Variants in LINGO2 observed in about 807,000 individuals in gnomAD.
LINGO2 encodes the protein leucine-rich repeat and immunoglobulin-like domain-containing nogo receptor-interacting protein 2.
In LINGO2, 14 loss-of-function variants were observed where a neutral mutation model predicts 30.6. The observed-to-expected ratio is 0.46, with a 90% CI of 0.30 to 0.72. LINGO2 has a LOEUF of 0.72. Ranked by LOEUF, LINGO2 falls within the 30% of genes least tolerant of loss-of-function variation. LINGO2 has a pLI of 0.07. For synonymous variants in LINGO2, 317 were observed against 288.5 expected (o/e 1.10, Z -1.00); for missense variants, 729 against 751.7 (o/e 0.97, Z 0.35).
intron 1 of LINGO2, among the ~76,000 whole-genome samples, chr9:28,595,143 A>G (rs112791451): frequency 1.3e-3 from 192 of 152,238 alleles, no homozygotes; most frequent in Admixed American, 6.3e-3. Context: ...CTCAGGCTTC[A>G]TATCTATCAC....
At chr9:27,958,685 G>C (rs1332016717) in intron 5 of LINGO2, among the ~76,000 whole-genome samples, 1 of 152,026 alleles carries the variant, frequency 6.6e-6, no homozygotes, top group Non-Finnish European at 1.5e-5. Flanking sequence ...TATACATAGG[G>C]AAAAACATAG....
At chr9:28,348,807 C>T (rs370517620) in intron 3 of LINGO2, among the ~76,000 whole-genome samples, 9 of 151,724 alleles carry the variant, frequency 5.9e-5, no homozygotes, top group Admixed American at 3.3e-4. Flanking sequence ...GATCTGAGAA[C>T]GGGCAGACTG....
intron 4 of LINGO2, among the ~76,000 whole-genome samples, chr9:28,229,743 A>T (rs1039495070): frequency 6.6e-6 from 1 of 151,834 alleles, no homozygotes; most frequent in Non-Finnish European, 1.5e-5. Context: ...TCTTTTATCA[A>T]TCAATTAGAA....
chr9:27,948,102 C>T (rs754463635), exon 6 of LINGO2: 1 of 152,130 alleles, frequency 6.6e-6, no homozygotes, highest in Non-Finnish European at 1.5e-5. Flanking sequence ...TAGGCACATG[C>T]CTTTATTTAT....
At chr9:28,027,294 C>A (rs1321085900) in intron 4 of LINGO2, among the ~76,000 whole-genome samples, 1 of 152,112 alleles carries the variant, frequency 6.6e-6, no homozygotes, top group Non-Finnish European at 1.5e-5. Context: ...AGAGAAGTAA[C>A]TTGTCCAAGA....
intron 1 of LINGO2, among the ~76,000 whole-genome samples, chr9:28,519,437 A>G (rs1820749377): frequency 6.6e-6 from 1 of 152,148 alleles, no homozygotes; most frequent in African/African-American, 2.4e-5. Context: ...TTACTTAGTT[A>G]AGACTTCCCT....
the LINGO2 span, among the ~76,000 whole-genome samples, chr9:29,132,936 A>C: frequency 6.6e-6 from 1 of 151,898 alleles, no homozygotes; most frequent in Non-Finnish European, 1.5e-5. Flanking sequence ...GCCCAGGCTG[A>C]AGTCAAACTC....
chr9:28,472,199 T>C (rs916688320), intron 2 of LINGO2, among the ~76,000 whole-genome samples: 44 of 152,262 alleles, frequency 2.9e-4, no homozygotes, highest in African/African-American at 9.9e-4. Context: ...TTCTCATGTA[T>C]GTTCTGATAC....
chr9:28,343,701 C>T (rs1228775838), intron 3 of LINGO2, among the ~76,000 whole-genome samples: 1 of 152,050 alleles, frequency 6.6e-6, no homozygotes, highest in Non-Finnish European at 1.5e-5. Flanking sequence ...AGACCTTAGA[C>T]AAGAAAGTGC....
chr9:28,137,799 C>T (rs1354793747), intron 4 of LINGO2, among the ~76,000 whole-genome samples: 1 of 151,878 alleles, frequency 6.6e-6, no homozygotes, highest in East Asian at 1.9e-4. Flanking sequence ...ATAGATTTTT[C>T]CCATTATTTA....
chr9:28,739,472 G>C, the LINGO2 span, among the ~76,000 whole-genome samples: 2 of 151,830 alleles, frequency 1.3e-5, no homozygotes, highest in Non-Finnish European at 2.9e-5. Context: ...ATACATAAAA[G>C]TGTAAACATT....
Position 27,982,812 on chromosome 9 carries a change from T to TTCCTA in LINGO2, c.-36+29538_-36+29542dup, listed in dbSNP as rs374346465. ...TCAATGATGCTTACTTAGCCTCAGCTTCCTATTAGTAAACTGTGGTTAATA... is the reference window on the plus strand; with the variant it reads ...TCAATGATGCTTACTTAGCCTCAGCTTCCTATCCTATTAGTAAACTGTGGTTAATA... On this transcript the variant is annotated intron_variant, in intron 5 of 5. Transcript: ENST00000379992. Among the ~76,000 whole-genome samples the TTCCTA allele has an allele frequency of 2.6e-3, 393 of 151,956 alleles. 2 individuals carry two copies. Among genetic ancestry groups the TTCCTA allele is most frequent in the African/African-American group, 9.0e-3 (374 of 41,494 alleles).
At chr9:28,944,450 G>T in the LINGO2 span, among the ~76,000 whole-genome samples, 1 of 152,150 alleles carries the variant, frequency 6.6e-6, no homozygotes, top group African/African-American at 2.4e-5. Context: ...TTGTCCCCCA[G>T]GCTGGAGTGC....
At chr9:29,088,718 C>A in the LINGO2 span, among the ~76,000 whole-genome samples, 2 of 152,188 alleles carry the variant, frequency 1.3e-5, no homozygotes, top group Admixed American at 1.3e-4. Context: ...CCTTTTAAAT[C>A]CACAGTTCTT....
the LINGO2 span, among the ~76,000 whole-genome samples, chr9:28,891,565 G>C: frequency 6.6e-6 from 1 of 151,834 alleles, no homozygotes; most frequent in African/African-American, 2.4e-5. Flanking sequence ...TTATAATGAA[G>C]TCTGGTACCT....
At chr9:28,021,144 T>C (rs1002531642) in intron 4 of LINGO2, among the ~76,000 whole-genome samples, 4 of 152,146 alleles carry the variant, frequency 2.6e-5, no homozygotes, top group African/African-American at 9.7e-5. Context: ...GATGTTTTTT[T>C]CTAATATATG....
chr9:28,068,700 A>G (rs1473932680), intron 4 of LINGO2, among the ~76,000 whole-genome samples: 1 of 152,178 alleles, frequency 6.6e-6, no homozygotes, highest in Non-Finnish European at 1.5e-5. Context: ...TAAAGCAGAA[A>G]TTTTTATTTC....
At chr9:28,886,380 T>C in the LINGO2 span, among the ~76,000 whole-genome samples, 1 of 152,136 alleles carries the variant, frequency 6.6e-6, no homozygotes, top group Non-Finnish European at 1.5e-5. Context: ...AATGGTATAT[T>C]CCTTCTAGAA....
intron 4 of LINGO2, among the ~76,000 whole-genome samples, chr9:28,160,095 T>A (rs1320679556): frequency 6.6e-6 from 1 of 152,120 alleles, no homozygotes; most frequent in Non-Finnish European, 1.5e-5. Flanking sequence ...TGGAAAGGAA[T>A]CTATAGCAAC....
Sources: allele counts gnomAD v4.1 joint callset (sites outside exome capture counted in the v4.1 genomes callset), GRCh38; gene constraint gnomAD v4.1.1; transcripts MANE v1.5; gene names NCBI Gene and HGNC (gene_info 2026-07-23, HGNC 2026-07-21).